The following PRKN variants were observed in gnomAD, a reference collection of about 807,000 sequenced individuals.
The protein encoded by PRKN is E3 ubiquitin-protein ligase parkin.
PRKN carries 56 observed loss-of-function variants against 59.5 expected under a neutral mutation model. The ratio of observed to expected loss-of-function variants is 0.94; its 90% CI spans 0.76 to 1.18. The LOEUF (loss-of-function observed/expected upper bound fraction) is 1.18. PRKN is among the 50% of genes most tolerant of loss of function. The pLI, the probability that PRKN is intolerant of heterozygous loss-of-function variation, is 0.00. For missense variants in PRKN, 657 were observed against 596.4 expected (o/e 1.10, Z -1.06); for synonymous variants, 250 against 222.1 (o/e 1.13, Z -1.12).
chr6:162,408,191 G>T lies in PRKN; in HGVS notation c.171+35119C>A, dbSNP rs933467813. ...TGAAAATAAATATAATATCCCATTA[G>T]AAACATATCTGCTACTAGTCGGGGT... On this transcript the variant is annotated intron_variant, in intron 2 of 11. Transcript: ENST00000366898. 7.9e-5 allele frequency among the ~76,000 whole-genome samples: 12 copies of T among 151,794 alleles called. No homozygotes were observed. In the South Asian group the frequency reaches 2.5e-3, roughly 32 times the overall value.
chr6:161,912,831 C>G (rs1778414089), intron 6 of PRKN, among the ~76,000 whole-genome samples: 1 of 152,080 alleles, frequency 6.6e-6, no homozygotes, highest in South Asian at 2.1e-4. Flanking sequence ...GGGGCCCTTT[C>G]CAAATTCATA....
chr6:161,514,134 T>G (rs517010), intron 9 of PRKN, among the ~76,000 whole-genome samples: 51,847 of 151,336 alleles, frequency 0.34, 9,793 homozygotes, highest in East Asian at 0.61. Flanking sequence ...AACAATAGAT[T>G]TAAAGAACAA....
At chr6:161,643,972 G>T (rs144070134) in intron 7 of PRKN, among the ~76,000 whole-genome samples, 1 of 29,230 alleles carries the variant, frequency 3.4e-5, no homozygotes, top group East Asian at 4.9e-4. Context: ...ATATCTTGGT[G>T]GGGGGGGCCA....
chr6:162,226,087 A>T (rs1778164922), intron 3 of PRKN, among the ~76,000 whole-genome samples: 1 of 111,658 alleles, frequency 9.0e-6, no homozygotes, highest in Admixed American at 8.5e-5. Context: ...AATAATAATA[A>T]TAATAATAAT....
intron 6 of PRKN, among the ~76,000 whole-genome samples, chr6:161,822,765 TTGACCATTTACCTC>T (rs1339699042): frequency 6.6e-6 from 1 of 152,248 alleles, no homozygotes; most frequent in Non-Finnish European, 1.5e-5. Flanking sequence ...TTACCAGTCA[TTGACCATTTACCTC>T]TGGACATTGT....
intron 6 of PRKN, among the ~76,000 whole-genome samples, chr6:161,806,493 C>T (rs2128212126): frequency 6.6e-6 from 1 of 152,298 alleles, no homozygotes; most frequent in Admixed American, 6.5e-5. Flanking sequence ...TGCCCAGTCT[C>T]TCTTGTTTCT....
chr6:161,911,560 CT>C (rs1778362392), intron 6 of PRKN, among the ~76,000 whole-genome samples: 1 of 152,158 alleles, frequency 6.6e-6, no homozygotes, highest in African/African-American at 2.4e-5. Flanking sequence ...GATAATGTCT[CT>C]GTTTTCCATG....
rs149003486 is a variant in PRKN, at chr6:162,419,681, A to C, written c.171+23629T>G. ...AGGTTAGGGGGATTTTACTTTTTGA[A>C]AAATGCTTTTTGGTATTTGAAATAT... On this transcript the variant is annotated intron_variant, in intron 2 of 11. Transcript: ENST00000366898. Among the ~76,000 whole-genome samples the C allele has an allele frequency of 3.8e-3, 579 of 152,252 alleles. 3 individuals carry two copies. Among genetic ancestry groups the C allele is most frequent in the Non-Finnish European group, 6.0e-3 (408 of 68,004 alleles).
chr6:162,260,255 T>G (rs1779831927), intron 3 of PRKN, among the ~76,000 whole-genome samples: 2 of 152,050 alleles, frequency 1.3e-5, no homozygotes, highest in Non-Finnish European at 2.9e-5. Flanking sequence ...AGAAACAGGG[T>G]GATCAGAGGT....
At chr6:162,238,783 T>G (rs1356968142) in intron 3 of PRKN, among the ~76,000 whole-genome samples, 4 of 152,146 alleles carry the variant, frequency 2.6e-5, no homozygotes, top group African/African-American at 9.7e-5. Flanking sequence ...TCCCCACACA[T>G]TGCCCAGAGC....
chr6:161,866,129 T>C (rs922736117), intron 6 of PRKN, among the ~76,000 whole-genome samples: 3 of 152,106 alleles, frequency 2.0e-5, no homozygotes, highest in African/African-American at 7.2e-5. Context: ...ACTGGAGCAG[T>C]TGGAACACAC....
intron 2 of PRKN, among the ~76,000 whole-genome samples, chr6:162,361,785 C>T (rs1407693527): frequency 6.6e-6 from 1 of 152,092 alleles, no homozygotes; most frequent in Non-Finnish European, 1.5e-5. Flanking sequence ...TGTTAATATG[C>T]CAAGAGTCCT....
intron 5 of PRKN, among the ~76,000 whole-genome samples, 182 bp from the exon 6 acceptor site, chr6:161,973,599 A>G (rs890474951): frequency 2.0e-5 from 3 of 152,164 alleles, no homozygotes; most frequent in African/African-American, 7.2e-5. Context: ...AGTGGTCAAC[A>G]ATTCTGTTTT....
In PRKN at chr6:161,577,343, A is replaced by T. The variant is rs536368059; in HGVS notation, c.872-7927T>A. 2.0e-5 allele frequency among the ~76,000 whole-genome samples: 3 copies of T among 152,324 alleles called. No individual in the cohort carries two copies. In the East Asian group the frequency reaches 5.8e-4, roughly 29 times the overall value. ...TTGATTATGCTACTTTAAATATCTA[A>T]CTGGATGTCTGGAACTTTTCATAAT... On this transcript the variant is annotated intron_variant, in intron 7 of 11. Coordinates refer to ENST00000366898, the MANE Select transcript of PRKN (RefSeq NM_004562.3).
At chr6:162,427,187 TGAAA>T (rs1170069195) in intron 2 of PRKN, among the ~76,000 whole-genome samples, 2 of 152,212 alleles carry the variant, frequency 1.3e-5, no homozygotes, top group Admixed American at 1.3e-4. Context: ...TTTAAAAGTC[TGAAA>T]ATATTAAACG....
chr6:162,063,800 C>T (rs770598850), intron 4 of PRKN, among the ~76,000 whole-genome samples: 5 of 152,338 alleles, frequency 3.3e-5, no homozygotes, highest in African/African-American at 4.8e-5. Context: ...CTGCCTTGGC[C>T]TCCCGTAGTT....
intron 2 of PRKN, among the ~76,000 whole-genome samples, chr6:162,266,760 A>T (rs1308959141): frequency 1.3e-5 from 2 of 152,194 alleles, no homozygotes; most frequent in Non-Finnish European, 2.9e-5. Flanking sequence ...AAGAGCTCAG[A>T]TCCCGATCCG....
chr6:161,830,531 C>T (rs895828711), intron 6 of PRKN, among the ~76,000 whole-genome samples: 2 of 152,142 alleles, frequency 1.3e-5, no homozygotes, highest in Admixed American at 6.5e-5. Flanking sequence ...GGATAACAGG[C>T]GTGAGCCCCC....
chr6:161,388,122 G>A lies in PRKN; in HGVS notation c.1084-1245C>T, dbSNP rs1162706002. Reference sequence around the variant, plus strand: ...ACTGTCACGGTTGAGTTGTGGATCAGCAGTGGAACACACCAGACTGGAGTC... The same window carrying A: ...ACTGTCACGGTTGAGTTGTGGATCAACAGTGGAACACACCAGACTGGAGTC... On this transcript the variant is annotated intron_variant, in intron 9 of 11. Transcript: ENST00000366898. This position sits in a 1 kb window ranked among gnomAD's most constrained non-coding sequence, Gnocchi z 4.3. 6.6e-6 allele frequency among the ~76,000 whole-genome samples: 1 copy of A among 152,210 alleles called. No individual in the cohort carries two copies. Among genetic ancestry groups the A allele is most frequent in the African/African-American group, 2.4e-5 (1 of 41,448 alleles).
Sources: gnomAD v4.1 joint callset for allele counts (sites outside exome capture counted in the v4.1 genomes callset) on GRCh38, gnomAD v4.1.1 for gene constraint, Gnocchi (gnomAD v3.1) non-coding constraint, MANE v1.5 for transcripts, NCBI Gene and HGNC (gene_info 2026-07-23, HGNC 2026-07-21) for gene names.